The following TMEM238 variants were observed in gnomAD, a reference collection of about 807,000 sequenced individuals.
TMEM238 encodes the protein transmembrane protein 238.
For synonymous variants in TMEM238, 103 were observed against 111.5 expected, an observed-to-expected ratio of 0.92 and a Z score of 0.48; for missense variants, 169 against 206.8, an observed-to-expected ratio of 0.82 and a Z score of 1.12.
In TMEM238 at chr19:55,379,345, G is replaced by A. The variant is rs1296527940; in HGVS notation, c.*30C>T. On this transcript the variant is annotated 3_prime_UTR_variant, in exon 2 of 2. Transcript: ENST00000444469. ...CAGCTGCACATCTCAGTCTGGTCCTGACAGCTGGAGCCAAGGGGTTGTCTG... is the reference window on the plus strand; with the variant it reads ...CAGCTGCACATCTCAGTCTGGTCCTAACAGCTGGAGCCAAGGGGTTGTCTG... 1 of 152,282 alleles carries A rather than the reference G, an allele frequency of 6.6e-6. No individual in the cohort carries two copies. The highest frequency in any genetic ancestry group is 2.4e-5 in the African/African-American group (1 of 41,444). 9.4% of individuals were successfully genotyped at this position (152,282 alleles called of 1,614,324 possible). A position where few individuals can be genotyped will look rare whatever the true frequency, so the allele number is the denominator to read the frequency against.
At position 55,383,855 on chromosome 19, in the gene TMEM238, G is replaced by T. The variant is rs971904065; in HGVS notation, c.405C>A (p.Pro135=). 8.7e-5 allele frequency: 77 copies of T among 884,298 alleles called. No individual in the cohort carries two copies. Among genetic ancestry groups the T allele is most frequent in the Non-Finnish European group, 1.6e-5 (12 of 734,242 alleles). The allele number at this position is 884,298 out of a possible 1,614,324, so 54.8% of individuals were successfully genotyped here. A position where few individuals can be genotyped will look rare whatever the true frequency, so the allele number is the denominator to read the frequency against. The change falls in exon 1 of 2, where the codon CCC becomes CCA. Residue 135 remains proline, a synonymous_variant. Coordinates refer to ENST00000444469, the MANE Select transcript of TMEM238 (RefSeq NM_001190764.2). This position sits in a 1 kb window ranked among gnomAD's most constrained non-coding sequence, Gnocchi z 4.9. ...APAAAGQRPA[P]GSRRARRAAR... ...CGGCTCGGCGCGCTCTCCGGGAGCC[G>T]GGCGCGGGGCGCTGGCCCGCGGCGG...
chr19:55,384,026 C>T lies in TMEM238; in HGVS notation c.234G>A (p.Leu78=). 6.7e-7 allele frequency: 1 copy of T among 1,485,404 alleles called. No individual in the cohort carries two copies. The highest frequency in any genetic ancestry group is 9.0e-7 in the Non-Finnish European group (1 of 1,116,194). The allele number at this position is 1,485,404 out of a possible 1,614,324, so 92.0% of individuals were successfully genotyped here. A position where few individuals can be genotyped will look rare whatever the true frequency, so the allele number is the denominator to read the frequency against. Residue 78 remains leucine, a synonymous_variant, in exon 1 of 2, where the codon CTG becomes CTA. Coordinates refer to ENST00000444469, the MANE Select transcript of TMEM238 (RefSeq NM_001190764.2). This position sits in a 1 kb window ranked among gnomAD's most constrained non-coding sequence, Gnocchi z 5.6. ...TCCAGCCCAGCAGGCTCAGGAACAC[C>T]AGCAGCGCGCCCGAGTAGATGAGCA... The part of the protein sequence containing the change: ...GDLLIYSGAL[L]VFLSLLGWIL...
rs919160504 is a variant in TMEM238 at position 55,383,874 on chromosome 19, G to C, written c.386C>G (p.Ala129Gly). The change falls in exon 1 of 2, where the codon GCG (alanine) becomes GGG (glycine). Residue 129 changes from alanine to glycine, a missense_variant. Ala to Gly is a moderately conservative substitution (Grantham distance 60). Coordinates refer to ENST00000444469, the MANE Select transcript of TMEM238 (RefSeq NM_001190764.2). The surrounding 1 kb of genome is among the most constrained non-coding windows in gnomAD (Gnocchi z 4.9). ...LSRRWSAPAAAGQRPAPGSRR... is the reference protein window; with the variant it reads ...LSRRWSAPAAGGQRPAPGSRR... Reference sequence around the variant, plus strand: ...GGAGCCGGGCGCGGGGCGCTGGCCCGCGGCGGCGGGCGCCGACCAGCGGCG... The same window carrying C: ...GGAGCCGGGCGCGGGGCGCTGGCCCCCGGCGGCGGGCGCCGACCAGCGGCG... The C allele has an allele frequency of 2.0e-4, 202 of 1,011,050 alleles. No homozygotes were observed. Among genetic ancestry groups the C allele is most frequent in the Middle Eastern group, 4.4e-4 (1 of 2,268 alleles). The allele number at this position is 1,011,050 out of a possible 1,614,324, so 62.6% of individuals were successfully genotyped here.
At position 55,383,393 on chromosome 19, in the gene TMEM238, C is replaced by G. The variant is rs2089893480; in HGVS notation, c.*7+329G>C. Reference sequence around the variant, plus strand: ...CCTGTCTCAAAACAACCCCAAACGACAACAAAACAAAACAAAACAAAAAAT... The same window carrying G: ...CCTGTCTCAAAACAACCCCAAACGAGAACAAAACAAAACAAAACAAAAAAT... On this transcript the variant is annotated intron_variant, in intron 1 of 1. Coordinates refer to ENST00000444469, the MANE Select transcript of TMEM238 (RefSeq NM_001190764.2). This position sits in a 1 kb window ranked among gnomAD's most constrained non-coding sequence, Gnocchi z 4.9. Among the ~76,000 whole-genome samples, 1 of 151,688 alleles carries G rather than the reference C, an allele frequency of 6.6e-6. No homozygotes were observed. Among genetic ancestry groups the G allele is most frequent in the Non-Finnish European group, 1.5e-5 (1 of 67,906 alleles).
Position 55,384,095 on chromosome 19 carries a change from G to A in TMEM238, c.165C>T (p.Gly55=). ...CGCGCACCTGCAGCTGCGCGAACAC[G>A]CCGGTCAGCAGCGCCGCCATGCCCG... The part of the protein sequence containing the change: ...DVAGMAALLT[G]VFAQLQVRGR... Residue 55 remains glycine (G), a synonymous_variant, in exon 1 of 2, where the codon GGC becomes GGT. Transcript: ENST00000444469. The surrounding 1 kb of genome is among the most constrained non-coding windows in gnomAD (Gnocchi z 5.6). The A allele has an allele frequency of 6.8e-7, 1 of 1,465,470 alleles. No homozygotes were observed. Among genetic ancestry groups the A allele is most frequent in the Non-Finnish European group, 9.1e-7 (1 of 1,104,966 alleles). The allele number at this position is 1,465,470 out of a possible 1,614,324, so 90.8% of individuals were successfully genotyped here.
In TMEM238 at chr19:55,383,864, G is replaced by A. The variant is rs1600296207; in HGVS notation, c.396C>T (p.Arg132=). The change falls in exon 1 of 2, where the codon CGC becomes CGT. Residue 132 remains arginine, a synonymous_variant. Coordinates refer to ENST00000444469, the MANE Select transcript of TMEM238 (RefSeq NM_001190764.2). The surrounding 1 kb of genome is among the most constrained non-coding windows in gnomAD (Gnocchi z 4.9). ...GCGCTCTCCGGGAGCCGGGCGCGGG[G>A]CGCTGGCCCGCGGCGGCGGGCGCCG... ...RWSAPAAAGQ[R]PAPGSRRARR... 2.1e-6 allele frequency: 2 copies of A among 938,196 alleles called. No individual in the cohort carries two copies. The highest frequency in any genetic ancestry group is 2.6e-6 in the Non-Finnish European group (2 of 777,030). 58.1% of individuals were successfully genotyped at this position (938,196 alleles called of 1,614,324 possible).
rs2089893904 is a variant in TMEM238, at chr19:55,383,475, G to A, written c.*7+247C>T. On this transcript the variant is annotated intron_variant, in intron 1 of 1. Coordinates refer to ENST00000444469, the MANE Select transcript of TMEM238 (RefSeq NM_001190764.2). This position sits in a 1 kb window ranked among gnomAD's most constrained non-coding sequence, Gnocchi z 4.9. ...CCCCGTGCGGGGGGCCTAACTGTGT[G>A]ACTCGACCCCCACACTTCCCATCTC... 6.6e-6 allele frequency among the ~76,000 whole-genome samples: 1 copy of A among 152,158 alleles called. No homozygotes were observed. The highest frequency in any genetic ancestry group is 2.4e-5 in the African/African-American group (1 of 41,424).
At chr19:55,379,582 G>C (rs1351540441) in intron 1 of TMEM238, among the ~76,000 whole-genome samples, 1 of 152,160 alleles carries the variant, frequency 6.6e-6, no homozygotes, top group African/African-American at 2.4e-5. Context: ...CAAGGGTAGA[G>C]GCCAGGGAAT....
Position 55,384,218 on chromosome 19 carries a change from C to T in TMEM238, c.42G>A (p.Pro14=), listed in dbSNP as rs1473720853. Residue 14 remains proline, a synonymous_variant, in exon 1 of 2, where the codon CCG becomes CCA. Coordinates refer to ENST00000444469, the MANE Select transcript of TMEM238 (RefSeq NM_001190764.2). This position sits in a 1 kb window ranked among gnomAD's most constrained non-coding sequence, Gnocchi z 5.6. The part of the protein sequence containing the change: ...APAVCASQGS[P]PGAPSAPAAA... Reference sequence around the variant, plus strand: ...CCGCCGGCGCGGACGGTGCACCCGGCGGGCTCCCCTGCGAGGCGCACACCG... The same window carrying T: ...CCGCCGGCGCGGACGGTGCACCCGGTGGGCTCCCCTGCGAGGCGCACACCG... 5 of 1,160,640 alleles carry T rather than the reference C, an allele frequency of 4.3e-6. No homozygotes were observed. Among genetic ancestry groups the T allele is most frequent in the Non-Finnish European group, 5.3e-6 (5 of 946,708 alleles). The allele number at this position is 1,160,640 out of a possible 1,614,324, so 71.9% of individuals were successfully genotyped here. A position where few individuals can be genotyped will look rare whatever the true frequency, so the allele number is the denominator to read the frequency against.
chr19:55,384,248 C>T lies in TMEM238; in HGVS notation c.12G>A (p.Ala4=). Residue 4 remains alanine, a synonymous_variant, in exon 1 of 2, where the codon GCG becomes GCA. Coordinates refer to ENST00000444469, the MANE Select transcript of TMEM238 (RefSeq NM_001190764.2). This position sits in a 1 kb window ranked among gnomAD's most constrained non-coding sequence, Gnocchi z 5.6. ...TCCCCTGCGAGGCGCACACCGCTGG[C>T]GCCGCCGCCATGGCCCTGCACCGCC... is the stretch of plus-strand genomic sequence containing the variant. MAA[A]PAVCASQGSP... is the part of the protein sequence containing the mutation. 1.8e-6 allele frequency: 2 copies of T among 1,099,436 alleles called. No homozygotes were observed. Among genetic ancestry groups the T allele is most frequent in the Non-Finnish European group, 2.2e-6 (2 of 905,138 alleles). The allele number at this position is 1,099,436 out of a possible 1,614,324, so 68.1% of individuals were successfully genotyped here.
intron 1 of TMEM238, among the ~76,000 whole-genome samples, chr19:55,381,418 C>CAAAA (rs56902543): frequency 9.3e-5 from 5 of 53,512 alleles, no homozygotes; most frequent in East Asian, 1.5e-3. Flanking sequence ...AACTCCATCT[C>CAAAA]AAAAAAAAAA....
chr19:55,380,479 C>A (rs1489962583), intron 1 of TMEM238, among the ~76,000 whole-genome samples: 1 of 145,510 alleles, frequency 6.9e-6, no homozygotes, highest in Non-Finnish European at 1.5e-5. Context: ...AGCTGGAGTG[C>A]AGTGGCACGA....
In TMEM238 at chr19:55,383,901, G is replaced by A; in HGVS notation, c.359C>T (p.Ser120Phe). 1 of 1,155,022 alleles carries A rather than the reference G, an allele frequency of 8.7e-7. No individual in the cohort carries two copies. The highest frequency in any genetic ancestry group is 1.1e-6 in the Non-Finnish European group (1 of 931,630). The allele number at this position is 1,155,022 out of a possible 1,614,324, so 71.5% of individuals were successfully genotyped here. The change falls in exon 1 of 2, where the codon TCC becomes TTC. Residue 120 changes from serine to phenylalanine, a missense_variant. By Grantham distance (155) the Ser-to-Phe change is radical. Transcript: ENST00000444469. The surrounding 1 kb of genome is among the most constrained non-coding windows in gnomAD (Gnocchi z 4.9). Reference sequence around the variant, plus strand: ...GGCGGCGGGCGCCGACCAGCGGCGGGAGAGCTTGCGCGCCAGGCGGGCGAG... The same window carrying A: ...GGCGGCGGGCGCCGACCAGCGGCGGAAGAGCTTGCGCGCCAGGCGGGCGAG... ...SALARLARKLSRRWSAPAAAG... is the reference protein window; with the variant it reads ...SALARLARKLFRRWSAPAAAG...
intron 1 of TMEM238, among the ~76,000 whole-genome samples, chr19:55,381,830 G>A (rs1371408638): frequency 6.6e-6 from 1 of 152,166 alleles, no homozygotes; most frequent in African/African-American, 2.4e-5. Flanking sequence ...CTGCATGGGT[G>A]AGGCCGAGGA....
intron 1 of TMEM238, among the ~76,000 whole-genome samples, chr19:55,379,722 C>A (rs1282021984): frequency 6.6e-6 from 1 of 152,098 alleles, no homozygotes; most frequent in Non-Finnish European, 1.5e-5. Flanking sequence ...GGGAGACAGG[C>A]AGACACAGTG....
At chr19:55,381,824 A>T (rs549754897) in intron 1 of TMEM238, among the ~76,000 whole-genome samples, 1 of 152,156 alleles carries the variant, frequency 6.6e-6, no homozygotes, top group Non-Finnish European at 1.5e-5. Context: ...ACCATGCTGC[A>T]TGGGTGAGGC....
rs1569037366 is a variant in TMEM238, at chr19:55,383,084, A to G, written c.*7+638T>C. Reference sequence around the variant, plus strand: ...AGACCAGTTACATGGAGAGGATTAAATGGGGCCTGGTCTGGGCTCAGTGGC... The same window carrying G: ...AGACCAGTTACATGGAGAGGATTAAGTGGGGCCTGGTCTGGGCTCAGTGGC... On this transcript the variant is annotated intron_variant, in intron 1 of 1. Transcript: ENST00000444469. The surrounding 1 kb of genome is among the most constrained non-coding windows in gnomAD (Gnocchi z 4.9). Among the ~76,000 whole-genome samples the G allele has an allele frequency of 1.3e-5, 2 of 152,220 alleles. No individual in the cohort carries two copies. The highest frequency in any genetic ancestry group is 3.9e-4 in the East Asian group (2 of 5,194).
At position 55,383,927 on chromosome 19, in the gene TMEM238, C is replaced by T. The variant is rs1390774136; in HGVS notation, c.333G>A (p.Ala111=). Reference sequence around the variant, plus strand: ...AGAGCTTGCGCGCCAGGCGGGCGAGCGCCGAGGGCCGCAGGCCGTAGTCGC... The same window carrying T: ...AGAGCTTGCGCGCCAGGCGGGCGAGTGCCGAGGGCCGCAGGCCGTAGTCGC... ...LERDYGLRPS[A]LARLARKLSR... The change falls in exon 1 of 2, where the codon GCG becomes GCA. Residue 111 remains alanine, a synonymous_variant. Transcript: ENST00000444469. This position sits in a 1 kb window ranked among gnomAD's most constrained non-coding sequence, Gnocchi z 4.9. 2.5e-4 allele frequency: 320 copies of T among 1,275,566 alleles called. 2 individuals are homozygous for T. Among genetic ancestry groups the T allele is most frequent in the Non-Finnish European group, 3.1e-4 (305 of 994,728 alleles). The allele number at this position is 1,275,566 out of a possible 1,614,324, so 79.0% of individuals were successfully genotyped here. A position where few individuals can be genotyped will look rare whatever the true frequency, so the allele number is the denominator to read the frequency against.
At chr19:55,382,185 AT>A in intron 1 of TMEM238, among the ~76,000 whole-genome samples, 1 of 150,704 alleles carries the variant, frequency 6.6e-6, no homozygotes, top group East Asian at 2.0e-4. Flanking sequence ...CCATCTATCA[AT>A]CTATCATCCA....
Sources: allele counts gnomAD v4.1 joint callset (sites outside exome capture counted in the v4.1 genomes callset), GRCh38; gene constraint gnomAD v4.1.1; non-coding constraint Gnocchi (gnomAD v3.1); transcripts MANE v1.5; gene names NCBI Gene and HGNC (gene_info 2026-07-23, HGNC 2026-07-21).